Variants in INVS observed in about 807,000 individuals in gnomAD.
INVS encodes inversion of embryo turning homolog.
INVS carries 86 observed loss-of-function variants against 108.8 expected under a neutral mutation model. The observed-to-expected ratio is 0.79, with a 90% CI of 0.66 to 0.95. The LOEUF is 0.95. INVS is among the 40% of genes least tolerant of loss of function. INVS has a pLI of 0.00. For synonymous variants in INVS, 455 were observed against 473.5 expected (o/e 0.96, Z 0.51); for missense variants, 1,169 against 1,297.4 (o/e 0.90, Z 1.52).
intron 3 of INVS, among the ~76,000 whole-genome samples, chr9:100,157,270 T>A (rs1404665225): frequency 6.9e-6 from 1 of 145,344 alleles, no homozygotes; most frequent in Non-Finnish European, 1.5e-5. Context: ...TTTTTTTCTT[T>A]TTTTTTTTTT....
At position 100,301,651 on chromosome 9, in the gene INVS, A is replaced by G. The variant is rs1833973181; in HGVS notation, c.*977A>G. ...GTTTAAGGGGAAAGCTGCTGTGAGA[A>G]TATTGACAGTAGGCATAAACAGTGA... is the stretch of plus-strand genomic sequence containing the variant. On this transcript the variant is annotated 3_prime_UTR_variant, in exon 17 of 17. Transcript: ENST00000262457. Among the ~76,000 whole-genome samples, 1 of 152,176 alleles carries G rather than the reference A, an allele frequency of 6.6e-6. No individual in the cohort carries two copies. The highest frequency in any genetic ancestry group is 1.5e-5 in the Non-Finnish European group (1 of 68,014).
intron 3 of INVS, among the ~76,000 whole-genome samples, chr9:100,142,889 C>T (rs1828477204): frequency 6.6e-6 from 1 of 152,020 alleles, no homozygotes; most frequent in Non-Finnish European, 1.5e-5. Flanking sequence ...ACTAACCATG[C>T]CTAGGAAGGA....
intron 3 of INVS, among the ~76,000 whole-genome samples, chr9:100,153,144 G>A (rs1238036294): frequency 2.0e-5 from 3 of 151,450 alleles, no homozygotes; most frequent in Non-Finnish European, 4.4e-5. Flanking sequence ...GAATCTCGGT[G>A]TAAGGAAAAC....
chr9:100,201,673 A>G (rs1172131447), intron 3 of INVS, among the ~76,000 whole-genome samples: 1 of 152,242 alleles, frequency 6.6e-6, no homozygotes, highest in African/African-American at 2.4e-5. Context: ...ACAAGATATA[A>G]GACTGGAAGC....
intron 11 of INVS, among the ~76,000 whole-genome samples, chr9:100,267,019 TAAAAAAAAAA>T (rs11415703): frequency 1.1e-5 from 1 of 93,136 alleles, no homozygotes; most frequent in Non-Finnish European, 2.0e-5. Context: ...TTTGAAACTC[TAAAAAAAAAA>T]AAAAAAAAAA....
At chr9:100,207,578 C>A (rs1486031584) in intron 3 of INVS, among the ~76,000 whole-genome samples, 1 of 152,060 alleles carries the variant, frequency 6.6e-6, no homozygotes, top group Non-Finnish European at 1.5e-5. Context: ...TAGGTGTGAC[C>A]CACTGTGCAC....
chr9:100,127,891 C>T (rs767831587), intron 3 of INVS, among the ~76,000 whole-genome samples: 1 of 151,990 alleles, frequency 6.6e-6, no homozygotes, highest in Non-Finnish European at 1.5e-5. Context: ...ATTATTCACT[C>T]GAGAAAGGTA....
intron 2 of INVS, among the ~76,000 whole-genome samples, chr9:100,113,067 A>G (rs1022115257): frequency 4.6e-5 from 7 of 152,248 alleles, no homozygotes; most frequent in African/African-American, 1.7e-4. Flanking sequence ...CACTGACTCC[A>G]GAAGGACTCA....
At chr9:100,234,354 T>C (rs1010309258) in intron 5 of INVS, among the ~76,000 whole-genome samples, 2 of 152,148 alleles carry the variant, frequency 1.3e-5, no homozygotes, top group African/African-American at 4.8e-5. Flanking sequence ...TTTCTCATGT[T>C]TCTGTCTCCT....
chr9:100,135,201 A>G (rs1828184786), intron 3 of INVS, among the ~76,000 whole-genome samples: 1 of 152,252 alleles, frequency 6.6e-6, no homozygotes. Context: ...AGAACTTGGT[A>G]GACATTATTT....
intron 3 of INVS, among the ~76,000 whole-genome samples, chr9:100,137,947 A>AT (rs747913883): frequency 2.6e-5 from 4 of 152,160 alleles, no homozygotes; most frequent in African/African-American, 9.7e-5. Context: ...TTTTTGTAGG[A>AT]TTTTTTTGCT....
At chr9:100,121,816 T>C (rs1330837528) in intron 2 of INVS, among the ~76,000 whole-genome samples, 1 of 152,174 alleles carries the variant, frequency 6.6e-6, no homozygotes, top group African/African-American at 2.4e-5. Flanking sequence ...ACTATTCTTC[T>C]ATTCTAATTA....
chr9:100,136,229 T>A (rs1828219670), intron 3 of INVS, among the ~76,000 whole-genome samples: 1 of 151,826 alleles, frequency 6.6e-6, no homozygotes, highest in South Asian at 2.1e-4. Flanking sequence ...ACAGTACGAG[T>A]GATTGATTAA....
chr9:100,127,045 A>T (rs1827907691), intron 3 of INVS, among the ~76,000 whole-genome samples: 1 of 152,086 alleles, frequency 6.6e-6, no homozygotes, highest in Non-Finnish European at 1.5e-5. Flanking sequence ...AAAATTAAAA[A>T]ATTAGCTGGG....
chr9:100,297,907 G>C, intron 15 of INVS, 29 bp from the exon 16 acceptor site: 1 of 1,613,796 alleles, frequency 6.2e-7, no homozygotes, highest in Non-Finnish European at 8.5e-7. Flanking sequence ...CCTGGCCAAA[G>C]AAAAGTAACA....
chr9:100,299,536 G>C (rs1191491114), intron 16 of INVS, among the ~76,000 whole-genome samples: 1 of 144,114 alleles, frequency 6.9e-6, no homozygotes, highest in African/African-American at 2.7e-5. Flanking sequence ...AATCTCAGCA[G>C]AGCCTTTTAT....
intron 3 of INVS, among the ~76,000 whole-genome samples, chr9:100,142,669 G>T (rs768312454): frequency 6.6e-6 from 1 of 152,164 alleles, no homozygotes; most frequent in East Asian, 1.9e-4. Context: ...TATGCATCAG[G>T]TATGAGGAAG....
chr9:100,293,769 G>A (rs1356144194), intron 14 of INVS, among the ~76,000 whole-genome samples: 1 of 152,162 alleles, frequency 6.6e-6, no homozygotes, highest in South Asian at 2.1e-4. Flanking sequence ...AAATGTTCAC[G>A]TCTCATAATC....
At chr9:100,123,148 A>G (rs978533012) in intron 2 of INVS, among the ~76,000 whole-genome samples, 1 of 152,192 alleles carries the variant, frequency 6.6e-6, no homozygotes, top group Non-Finnish European at 1.5e-5. Flanking sequence ...AAAGTATACA[A>G]TTGAGTGATT....
Sources: allele counts gnomAD v4.1 joint callset (sites outside exome capture counted in the v4.1 genomes callset), GRCh38; gene constraint gnomAD v4.1.1; transcripts MANE v1.5; gene names NCBI Gene and HGNC (gene_info 2026-07-23, HGNC 2026-07-21).